The following CNNM2 variants were observed in gnomAD, a reference collection of about 807,000 sequenced individuals.
CNNM2 encodes cyclin and CBS domain divalent metal cation transport mediator 2, also known as metal transporter CNNM2.
In CNNM2, 12 loss-of-function variants were observed where a neutral mutation model predicts 66.9. That is an observed-to-expected ratio of 0.18 (90% CI 0.11 to 0.29). The LOEUF (loss-of-function observed/expected upper bound fraction) is 0.29. CNNM2 is among the 10% of genes least tolerant of loss of function. CNNM2 has a pLI of 1.00. For missense variants in CNNM2, 705 were observed against 1,167.7 expected (o/e 0.60, Z 5.77); for synonymous variants, 557 against 501.8 (o/e 1.11, Z -1.47).
At position 103,077,973 on chromosome 10, in the gene CNNM2, A is replaced by T. The variant is rs1480099639; in HGVS notation, c.*793A>T. ...CATGGTTTATCATTGGCAAGAGGCA[A>T]GTTGACTTCATCCTGTCATTCCAGC... is the stretch of plus-strand genomic sequence containing the variant. On this transcript the variant is annotated 3_prime_UTR_variant, in exon 8 of 8. Coordinates refer to ENST00000369878, the MANE Select transcript of CNNM2 (RefSeq NM_017649.5). The T allele has an allele frequency of 6.6e-6, 1 of 152,668 alleles. No individual in the cohort carries two copies. Among genetic ancestry groups the T allele is most frequent in the Non-Finnish European group, 1.5e-5 (1 of 68,038 alleles). The allele number at this position is 152,668 out of a possible 1,614,324, so 9.5% of individuals were successfully genotyped here.
intron 1 of CNNM2, 91 bp from the exon 2 acceptor site, chr10:103,049,616 T>C (rs2065183988): frequency 8.6e-7 from 1 of 1,167,156 alleles, no homozygotes; most frequent in Non-Finnish European, 1.2e-6. Flanking sequence ...ATTCGACATC[T>C]GTGTTTGCTG....
intron 1 of CNNM2, among the ~76,000 whole-genome samples, chr10:103,028,935 G>A (rs573669216): frequency 1.4e-5 from 2 of 144,872 alleles, no homozygotes; most frequent in Non-Finnish European, 3.0e-5. Context: ...CGATTGTCAT[G>A]TCTCAGTCTC....
intron 1 of CNNM2, among the ~76,000 whole-genome samples, chr10:102,985,767 T>C (rs952299454): frequency 3.9e-5 from 6 of 152,204 alleles, no homozygotes; most frequent in African/African-American, 1.4e-4. Flanking sequence ...AGTGTAATCA[T>C]TTAATGACAG....
At chr10:102,988,003 A>T (rs538928081) in intron 1 of CNNM2, among the ~76,000 whole-genome samples, 1 of 152,310 alleles carries the variant, frequency 6.6e-6, no homozygotes, top group East Asian at 1.9e-4. Context: ...TAATTGATTT[A>T]GAAATATTGA....
chr10:102,919,272 G>A lies in CNNM2; in HGVS notation c.792G>A (p.Leu264=), dbSNP rs1462306657. ...GGCTGCAGGTGATCTTCATTTCGCT[G>A]CTGCTGTGCCTGTCGGGCATGTTCA... ...PFWLQVIFIS[L]LLCLSGMFSG... is the part of the protein sequence containing the mutation. Residue 264 remains leucine (L), a synonymous_variant, in exon 1 of 8, where the codon CTG becomes CTA. Coordinates refer to ENST00000369878, the MANE Select transcript of CNNM2 (RefSeq NM_017649.5). 1 of 1,613,878 alleles carries A rather than the reference G, an allele frequency of 6.2e-7. No individual in the cohort carries two copies. Among genetic ancestry groups the A allele is most frequent in the Admixed American group, 1.7e-5 (1 of 60,034 alleles).
intron 1 of CNNM2, among the ~76,000 whole-genome samples, chr10:103,023,569 A>G (rs2033832923): frequency 6.6e-6 from 1 of 152,070 alleles, no homozygotes; most frequent in Admixed American, 6.6e-5. Context: ...TCCCCACAAA[A>G]AAAGAACTCA....
intron 1 of CNNM2, among the ~76,000 whole-genome samples, chr10:103,028,968 G>A (rs1192906804): frequency 6.9e-5 from 10 of 145,880 alleles, no homozygotes; most frequent in Non-Finnish European, 1.2e-4. Flanking sequence ...CATTATAGGC[G>A]TGTGCCACCA....
intron 1 of CNNM2, among the ~76,000 whole-genome samples, chr10:103,037,293 AATAC>A (rs1170103017): frequency 1.2e-4 from 18 of 149,440 alleles, no homozygotes; most frequent in African/African-American, 3.9e-4. Context: ...TTTTATATAT[AATAC>A]ATTTTCATAG....
chr10:102,948,473 T>A (rs552941449), intron 1 of CNNM2, among the ~76,000 whole-genome samples: 1 of 152,076 alleles, frequency 6.6e-6, no homozygotes, highest in African/African-American at 2.4e-5. Context: ...AGATGATTAG[T>A]GTGGCTGGAA....
chr10:102,991,069 C>T (rs1291102545), intron 1 of CNNM2, among the ~76,000 whole-genome samples: 1 of 152,152 alleles, frequency 6.6e-6, no homozygotes, highest in Non-Finnish European at 1.5e-5. Context: ...ACACTGCAAC[C>T]TCTGCTTCCC....
At position 102,989,948 on chromosome 10, in the gene CNNM2, C is replaced by CTTTT. The variant is rs35468777; in HGVS notation, c.1622-59748_1622-59745dup. Among the ~76,000 whole-genome samples, 6 of 142,912 alleles carry CTTTT rather than the reference C, an allele frequency of 4.2e-5. No individual in the cohort carries two copies. In the Admixed American group the frequency reaches 4.2e-4, roughly 10 times the overall value. The allele number at this position is 142,912 out of a possible 152,430, so 93.8% of individuals were successfully genotyped here. On this transcript the variant is annotated intron_variant, in intron 1 of 7. Transcript: ENST00000369878. ...CCTCTTACTTTTCATATCCATTAAA[C>CTTTT]TTTTTTTTTTTTTTGAGACAGAGTC...
intron 1 of CNNM2, among the ~76,000 whole-genome samples, chr10:102,956,381 A>G (rs1440565736): frequency 6.6e-6 from 1 of 152,092 alleles, no homozygotes; most frequent in Non-Finnish European, 1.5e-5. Flanking sequence ...GCGAGTGTAA[A>G]CTAGTTCAAC....
intron 1 of CNNM2, among the ~76,000 whole-genome samples, chr10:102,976,192 T>G (rs1439934251): frequency 3.9e-5 from 6 of 152,178 alleles, no homozygotes; most frequent in Non-Finnish European, 1.5e-5. Flanking sequence ...TAATTTTCTG[T>G]CAAATTTACA....
rs558483770 is a variant in CNNM2, at chr10:103,077,593, G to A, written c.*413G>A. 2.7e-5 allele frequency: 5 copies of A among 187,480 alleles called. No homozygotes were observed. The highest frequency in any genetic ancestry group is 1.2e-4 in the African/African-American group (5 of 42,732). 11.6% of individuals were successfully genotyped at this position (187,480 alleles called of 1,614,324 possible). ...TAAGTTGTTCTGTCTGAACTCTGCT[G>A]TGATCCCATGATGTGACCCTGATGG... On this transcript the variant is annotated 3_prime_UTR_variant, in exon 8 of 8. Transcript: ENST00000369878.
At chr10:103,057,851 G>A (rs2065321077) in intron 4 of CNNM2, among the ~76,000 whole-genome samples, 1 of 152,212 alleles carries the variant, frequency 6.6e-6, no homozygotes, top group Non-Finnish European at 1.5e-5. Context: ...TTCAGTAGAT[G>A]AGGTGAGAAG....
chr10:103,046,916 G>A (rs1052456469), intron 1 of CNNM2, among the ~76,000 whole-genome samples: 9 of 152,184 alleles, frequency 5.9e-5, no homozygotes, highest in African/African-American at 2.2e-4. Flanking sequence ...TAGTTGTAAT[G>A]TAGAATCTGA....
At chr10:102,946,183 T>C (rs1011862641) in intron 1 of CNNM2, among the ~76,000 whole-genome samples, 1 of 152,086 alleles carries the variant, frequency 6.6e-6, no homozygotes, top group Non-Finnish European at 1.5e-5. Context: ...TACAAAGTGC[T>C]TTAGCAATGG....
chr10:103,028,851 C>T (rs1386457330), intron 1 of CNNM2, among the ~76,000 whole-genome samples: 2 of 109,590 alleles, frequency 1.8e-5, no homozygotes, highest in Non-Finnish European at 3.4e-5. Flanking sequence ...TTGAGACAGT[C>T]TCGCTGTGTC....
chr10:102,918,921 C>G lies in CNNM2; in HGVS notation c.441C>G (p.Pro147=), dbSNP rs752621821. 1 of 1,611,940 alleles carries G rather than the reference C, an allele frequency of 6.2e-7. No homozygotes were observed. The change falls in exon 1 of 8, where the codon CCC becomes CCG. Residue 147 remains proline, a synonymous_variant. Coordinates refer to ENST00000369878, the MANE Select transcript of CNNM2 (RefSeq NM_017649.5). This position sits in a 1 kb window ranked among gnomAD's most constrained non-coding sequence, Gnocchi z 4.1. ...CGCCGCCAGAGCCGGACAGCGGCCCCCAGCGATGCGGCATCCGCACCTCAG... is the reference window on the plus strand; with the variant it reads ...CGCCGCCAGAGCCGGACAGCGGCCCGCAGCGATGCGGCATCCGCACCTCAG... The part of the protein sequence containing the change: ...GPAPPEPDSG[P]QRCGIRTSDI...
Sources: gnomAD v4.1 joint callset for allele counts (sites outside exome capture counted in the v4.1 genomes callset) on GRCh38, gnomAD v4.1.1 for gene constraint, Gnocchi (gnomAD v3.1) non-coding constraint, MANE v1.5 for transcripts, NCBI Gene and HGNC (gene_info 2026-07-23, HGNC 2026-07-21) for gene names.